The following SMAD6 variants were observed in gnomAD, a reference collection of about 807,000 sequenced individuals.
The protein encoded by SMAD6 is SMAD family member 6, also known as MAD homolog 6.
SMAD6 carries 103 observed loss-of-function variants against 39.4 expected under a neutral mutation model. That is an observed-to-expected ratio of 2.62 (90% CI 2.23 to 3.08). The LOEUF (loss-of-function observed/expected upper bound fraction) is 3.08. Ranked by LOEUF, SMAD6 falls within the 30% of genes most tolerant of loss-of-function variation. SMAD6 has a pLI of 0.00. For missense variants in SMAD6, 1,104 were observed against 742.9 expected (o/e 1.49, Z -5.65); for synonymous variants, 445 against 353.3 (o/e 1.26, Z -2.91).
At chr15:66,758,203 A>T (rs1366868140) in intron 3 of SMAD6, among the ~76,000 whole-genome samples, 2 of 152,238 alleles carry the variant, frequency 1.3e-5, no homozygotes, top group African/African-American at 4.8e-5. Flanking sequence ...GAAGTAATAC[A>T]TGATTAAGCA....
chr15:66,711,738 C>T lies in SMAD6; in HGVS notation c.874+14C>T, dbSNP rs769197223. The T allele has an allele frequency of 6.2e-7, 1 of 1,606,426 alleles. No individual in the cohort carries two copies. Among genetic ancestry groups the T allele is most frequent in the African/African-American group, 1.4e-5 (1 of 74,038 alleles). ...ACAAGCCACTGGGTAAGTGTGCCCT[C>T]CTTCCTACCCTTGCAGAGGTGTGTC... On this transcript the variant is annotated intron_variant, in intron 2 of 3. Coordinates refer to ENST00000288840, the MANE Select transcript of SMAD6 (RefSeq NM_005585.5).
At chr15:66,712,838 C>A (rs996132807) in intron 2 of SMAD6, among the ~76,000 whole-genome samples, 2 of 152,060 alleles carry the variant, frequency 1.3e-5, no homozygotes, top group Non-Finnish European at 2.9e-5. Flanking sequence ...AAGACCCCAT[C>A]TCTATAAAAA....
intron 3 of SMAD6, among the ~76,000 whole-genome samples, chr15:66,749,170 CA>C (rs1284916871): frequency 6.6e-6 from 1 of 152,114 alleles, no homozygotes; most frequent in African/African-American, 2.4e-5. Flanking sequence ...ACAAAAAATA[CA>C]AAAACTGGCC....
At chr15:66,775,201 TC>T (rs2140674326) in intron 3 of SMAD6, among the ~76,000 whole-genome samples, 1 of 152,222 alleles carries the variant, frequency 6.6e-6, no homozygotes, top group Admixed American at 6.5e-5. Flanking sequence ...GTTTGCCTTT[TC>T]AAGAGTTTTG....
intron 3 of SMAD6, among the ~76,000 whole-genome samples, chr15:66,777,231 T>G (rs1894482423): frequency 6.6e-6 from 1 of 152,162 alleles, no homozygotes; most frequent in Non-Finnish European, 1.5e-5. Context: ...GCTTACCCTC[T>G]GGATCAGACA....
intron 3 of SMAD6, among the ~76,000 whole-genome samples, chr15:66,738,729 G>A (rs1004611567): frequency 6.6e-6 from 1 of 152,136 alleles, no homozygotes; most frequent in Non-Finnish European, 1.5e-5. Context: ...CAGGGTGGGT[G>A]TGGGAGTGGC....
chr15:66,710,228 G>A lies in SMAD6; in HGVS notation c.818-1440G>A, dbSNP rs74460202. On this transcript the variant is annotated intron_variant, in intron 1 of 3. Transcript: ENST00000288840. The stretch of plus-strand genomic sequence containing the variant: ...TTGAGAAAGGATTAAATAAAAATAG[G>A]TGCCTGATGAGCATAATTAACTACT... Among the ~76,000 whole-genome samples, 1,278 of 152,282 alleles carry A rather than the reference G, an allele frequency of 8.4e-3. 26 individuals are homozygous for A. Among genetic ancestry groups the A allele is most frequent in the East Asian group, 0.077 (399 of 5,184 alleles).
At chr15:66,749,630 T>C (rs1255748444) in intron 3 of SMAD6, among the ~76,000 whole-genome samples, 1 of 151,900 alleles carries the variant, frequency 6.6e-6, no homozygotes, top group Non-Finnish European at 1.5e-5. Context: ...ACAAAAAAAT[T>C]TAATGGAGTG....
chr15:66,722,152 T>C (rs1219363735), intron 3 of SMAD6, among the ~76,000 whole-genome samples: 1 of 152,046 alleles, frequency 6.6e-6, no homozygotes, highest in Non-Finnish European at 1.5e-5. Flanking sequence ...CGAGTGGACA[T>C]ATAAGTGCCA....
chr15:66,703,336 C>CA lies in SMAD6; in HGVS notation c.79dup (p.Ser27LysfsTer18). ...TGGTCCCCGACCGGGAGGAAGGCGG[C>CA]AGCGGCGGCGGCGGTGGCGGCGACG... On this transcript the variant is annotated frameshift_variant, in exon 1 of 4. Transcript: ENST00000288840. LOFTEE classifies it high-confidence loss of function. The CA allele has an allele frequency of 6.7e-7, 1 of 1,484,634 alleles. No individual in the cohort carries two copies. The highest frequency in any genetic ancestry group is 1.3e-5 in the South Asian group (1 of 77,632). 92.0% of individuals were successfully genotyped at this position (1,484,634 alleles called of 1,614,324 possible).
chr15:66,743,660 A>G (rs1330381331), intron 3 of SMAD6, among the ~76,000 whole-genome samples: 1 of 152,094 alleles, frequency 6.6e-6, no homozygotes, highest in Non-Finnish European at 1.5e-5. Flanking sequence ...AATTACCCTT[A>G]ATGCTACCAC....
At chr15:66,752,254 G>A (rs1894020083) in intron 3 of SMAD6, among the ~76,000 whole-genome samples, 1 of 152,032 alleles carries the variant, frequency 6.6e-6, no homozygotes, top group South Asian at 2.1e-4. Context: ...CCTCTGTGGG[G>A]GGCCCTCCCC....
At position 66,781,219 on chromosome 15, in the gene SMAD6, TGCTCAGCAA is replaced by T; in HGVS notation, c.1177_1185del (p.Leu393_Lys395del). ...CGCAGCAAGATCGGCTTCGGCATCC[TGCTCAGCAA>T]GGAGCCCGACGGCGTGTGGGCCTAC... On this transcript the variant is annotated inframe_deletion, in exon 4 of 4. Transcript: ENST00000288840. The T allele has an allele frequency of 6.2e-7, 1 of 1,608,752 alleles. No homozygotes were observed. The highest frequency in any genetic ancestry group is 8.5e-7 in the Non-Finnish European group (1 of 1,179,708).
At chr15:66,742,619 G>A (rs1234393844) in intron 3 of SMAD6, among the ~76,000 whole-genome samples, 2 of 152,122 alleles carry the variant, frequency 1.3e-5, no homozygotes, top group African/African-American at 4.8e-5. Flanking sequence ...TGGTCGCTCT[G>A]AAAATGGGAT....
At chr15:66,764,016 A>G (rs1894249103) in intron 3 of SMAD6, among the ~76,000 whole-genome samples, 1 of 152,218 alleles carries the variant, frequency 6.6e-6, no homozygotes, top group South Asian at 2.1e-4. Flanking sequence ...AGATACACAG[A>G]GAAAGAACGC....
At chr15:66,773,845 C>T (rs761389201) in intron 3 of SMAD6, among the ~76,000 whole-genome samples, 2 of 152,184 alleles carry the variant, frequency 1.3e-5, no homozygotes, top group Admixed American at 6.5e-5. Context: ...CTTTGAATAT[C>T]TCTTCTTCGC....
chr15:66,702,398 G>A lies in SMAD6; in HGVS notation c.-861G>A, dbSNP rs1263173738. 6.6e-6 allele frequency: 1 copy of A among 151,284 alleles called. No homozygotes were observed. Among genetic ancestry groups the A allele is most frequent in the African/African-American group, 2.4e-5 (1 of 41,076 alleles). The allele number at this position is 151,284 out of a possible 1,614,324, so 9.4% of individuals were successfully genotyped here. On this transcript the variant is annotated 5_prime_UTR_variant, in exon 1 of 4. Coordinates refer to ENST00000288840, the MANE Select transcript of SMAD6 (RefSeq NM_005585.5). Reference sequence around the variant, plus strand: ...GCGCTGCCTCGCCAGACCTCGCTGGGACCCCGGGGCCACCGGGAGGCACTT... The same window carrying A: ...GCGCTGCCTCGCCAGACCTCGCTGGAACCCCGGGGCCACCGGGAGGCACTT...
In SMAD6 at chr15:66,767,136, T is replaced by A. The variant is rs78228757; in HGVS notation, c.953-13861T>A. The stretch of plus-strand genomic sequence containing the variant: ...GGAGCATCTGATCCTGCTTTGTCAT[T>A]AACCTTGTGGGCCATGGGGTAGTCA... On this transcript the variant is annotated intron_variant, in intron 3 of 3. Coordinates refer to ENST00000288840, the MANE Select transcript of SMAD6 (RefSeq NM_005585.5). 7.9e-5 allele frequency among the ~76,000 whole-genome samples: 12 copies of A among 152,340 alleles called. No individual in the cohort carries two copies. In the East Asian group the frequency reaches 2.1e-3, roughly 27 times the overall value.
intron 3 of SMAD6, among the ~76,000 whole-genome samples, chr15:66,767,578 C>T (rs1894309405): frequency 6.6e-6 from 1 of 152,158 alleles, no homozygotes; most frequent in Non-Finnish European, 1.5e-5. Flanking sequence ...AGACGGGTGG[C>T]CATGGCAGAG....
Sources: gnomAD v4.1 joint callset for allele counts (sites outside exome capture counted in the v4.1 genomes callset) on GRCh38, gnomAD v4.1.1 for gene constraint, MANE v1.5 for transcripts, NCBI Gene and HGNC (gene_info 2026-07-23, HGNC 2026-07-21) for gene names.